The following PRPF6 variants were observed in gnomAD, a reference collection of about 807,000 sequenced individuals.
PRPF6 encodes pre-mRNA-processing factor 6.
PRPF6 carries 42 observed loss-of-function variants against 118.3 expected under a neutral mutation model. The observed-to-expected ratio is 0.35, with a 90% CI of 0.28 to 0.46. PRPF6 has a LOEUF of 0.46. Among genes scored for constraint, PRPF6 ranks in the 20% least tolerant of loss-of-function variants. The pLI, the probability that PRPF6 is intolerant of heterozygous loss-of-function variation, is 1.00. For missense variants in PRPF6, 662 were observed against 1,255.7 expected, an observed-to-expected ratio of 0.53 and a Z score of 7.15; for synonymous variants, 481 against 485.1, an observed-to-expected ratio of 0.99 and a Z score of 0.11.
chr20:64,015,706 G>A (rs1027392029), intron 11 of PRPF6, among the ~76,000 whole-genome samples: 2 of 152,324 alleles, frequency 1.3e-5, no homozygotes, highest in Middle Eastern at 6.8e-3. Context: ...CCTCCATAGA[G>A]ATATGTGCTT....
At chr20:64,001,363 T>A (rs2059165786) in intron 9 of PRPF6, 124 bp downstream of exon 9, 2 of 1,143,896 alleles carry the variant, frequency 1.7e-6, no homozygotes, top group Non-Finnish European at 2.5e-6. Flanking sequence ...TTTCAGGCCT[T>A]TTCTCAGGCT....
intron 20 of PRPF6, among the ~76,000 whole-genome samples, chr20:64,032,554 A>C (rs571779103): frequency 6.6e-6 from 1 of 152,234 alleles, no homozygotes; most frequent in East Asian, 1.9e-4. Context: ...CCTTGTTTGG[A>C]GAAGGCAGAC....
chr20:64,029,739 G>A lies in PRPF6; in HGVS notation c.2546+248G>A, dbSNP rs2059306748. ...TTCACACTGGTGCGCTGGCCGCCGG[G>A]TCACAGACTCACTGGGGACGCGTGT... On this transcript the variant is annotated intron_variant, in intron 19 of 20. Coordinates refer to ENST00000266079, the MANE Select transcript of PRPF6 (RefSeq NM_012469.4). This position sits in a 1 kb window ranked among gnomAD's most constrained non-coding sequence, Gnocchi z 4.8. Among the ~76,000 whole-genome samples, 1 of 113,002 alleles carries A rather than the reference G, an allele frequency of 8.8e-6. No homozygotes were observed. The highest frequency in any genetic ancestry group is 3.1e-4 in the South Asian group (1 of 3,226). The allele number at this position is 113,002 out of a possible 152,430, so 74.1% of individuals were successfully genotyped here. A position where few individuals can be genotyped will look rare whatever the true frequency, so the allele number is the denominator to read the frequency against.
rs2059301407 is a variant in PRPF6 at position 64,028,497 on chromosome 20, G to T, written c.2359G>T (p.Glu787Ter). ...CCTCAGGTTGGAGTCCGTGCGGCTG[G>T]AGTACCGTGCGGGGCTGAAGAACAT... ...PGLWLESVRL[E>*]YRAGLKNIAN... The change falls in exon 18 of 21, where the codon GAG becomes TAG. Residue 787 changes from glutamate (E) to a stop codon, truncating the protein, a stop_gained. Coordinates refer to ENST00000266079, the MANE Select transcript of PRPF6 (RefSeq NM_012469.4). LOFTEE classifies it high-confidence loss of function. The surrounding 1 kb of genome is among the most constrained non-coding windows in gnomAD (Gnocchi z 6.5). The T allele has an allele frequency of 2.5e-6, 4 of 1,613,790 alleles. No homozygotes were observed. Among genetic ancestry groups the T allele is most frequent in the South Asian group, 1.1e-5 (1 of 91,082 alleles).
intron 1 of PRPF6, among the ~76,000 whole-genome samples, chr20:63,981,649 C>CA (rs1161930700): frequency 1.4e-5 from 2 of 144,902 alleles, no homozygotes; most frequent in Admixed American, 6.8e-5. Context: ...ACACTCCCCC[C>CA]CCCCGCCCGC....
At chr20:63,993,547 A>T (rs2059128138) in intron 4 of PRPF6, 62 bp downstream of exon 4, 1 of 1,346,878 alleles carries the variant, frequency 7.4e-7, no homozygotes, top group Non-Finnish European at 1.1e-6. Context: ...ACCCGCAGAG[A>T]CTCAGACTGC....
intron 8 of PRPF6, 58 bp downstream of exon 8, chr20:63,999,817 G>T: frequency 1.9e-6 from 3 of 1,589,810 alleles, no homozygotes; most frequent in South Asian, 1.1e-5. Context: ...GCCCCTACGG[G>T]AGTAAACTTG....
At chr20:63,985,744 T>G (rs1009675382) in intron 3 of PRPF6, among the ~76,000 whole-genome samples, 4 of 152,188 alleles carry the variant, frequency 2.6e-5, no homozygotes, top group African/African-American at 9.7e-5. Context: ...TAAAAGGTAA[T>G]GAGATCAAAG....
chr20:64,032,079 T>C, intron 20 of PRPF6, 35 bp downstream of exon 20: 1 of 1,613,212 alleles, frequency 6.2e-7, no homozygotes, highest in Non-Finnish European at 8.5e-7. Context: ...CTCAGTGCCT[T>C]CTGGGACTGT....
intron 9 of PRPF6, among the ~76,000 whole-genome samples, chr20:64,006,482 A>C (rs2123040943): frequency 6.6e-6 from 1 of 151,910 alleles, no homozygotes; most frequent in East Asian, 1.9e-4. Context: ...ACACCCGACT[A>C]ATTTTTGTAT....
At position 63,984,948 on chromosome 20, in the gene PRPF6, C is replaced by T. The variant is rs758722968; in HGVS notation, c.282C>T (p.Tyr94=). ...GGAGCCTCTTCTCAAGTGGACCCTA[C>T]GAGAAAGATGATGAGGAAGCAGATG... ...YAGSLFSSGP[Y]EKDDEEADAI... Residue 94 remains tyrosine, a synonymous_variant, in exon 3 of 21, where the codon TAC becomes TAT. Coordinates refer to ENST00000266079, the MANE Select transcript of PRPF6 (RefSeq NM_012469.4). 29 of 1,613,388 alleles carry T rather than the reference C, an allele frequency of 1.8e-5. No individual in the cohort carries two copies. The highest frequency in any genetic ancestry group is 1.6e-4 in the Middle Eastern group (1 of 6,080).
chr20:63,999,810 C>G, intron 8 of PRPF6, 51 bp downstream of exon 8: 1 of 1,601,516 alleles, frequency 6.2e-7, no homozygotes, highest in African/African-American at 1.3e-5. Flanking sequence ...GATTGTGGCC[C>G]CTACGGGAGT....
At position 64,026,842 on chromosome 20, in the gene PRPF6, C is replaced by CTT; in HGVS notation, c.2029-137_2029-136dup. 4.6e-6 allele frequency: 4 copies of CTT among 875,658 alleles called. No individual in the cohort carries two copies. Among genetic ancestry groups the CTT allele is most frequent in the South Asian group, 1.5e-5 (1 of 67,270 alleles). 54.2% of individuals were successfully genotyped at this position (875,658 alleles called of 1,614,324 possible). On this transcript the variant is annotated intron_variant, in intron 15 of 20. Transcript: ENST00000266079. The surrounding 1 kb of genome is among the most constrained non-coding windows in gnomAD (Gnocchi z 4.4). ...AACAAAAACATATATTTATCCCCAC[C>CTT]TTTTGTGTACACAAACAGGCTATGA...
intron 4 of PRPF6, 53 bp downstream of exon 4, chr20:63,993,538 C>A: frequency 7.0e-7 from 1 of 1,430,282 alleles, no homozygotes; most frequent in Non-Finnish European, 9.9e-7. Context: ...CTCACCCTAA[C>A]CCGCAGAGAC....
At chr20:64,004,495 T>C (rs961111519) in intron 9 of PRPF6, among the ~76,000 whole-genome samples, 1 of 152,232 alleles carries the variant, frequency 6.6e-6, no homozygotes, top group African/African-American at 2.4e-5. Context: ...CTTCCACTGG[T>C]GACTTAGGAC....
At position 64,028,226 on chromosome 20, in the gene PRPF6, C is replaced by T. The variant is rs1285834737; in HGVS notation, c.2340-252C>T. ...CTCTCCCAGTCTGGTCTTGTTTGTT[C>T]TGGATGCCTTCACCTGCATCTGGAC... On this transcript the variant is annotated intron_variant, in intron 17 of 20. Coordinates refer to ENST00000266079, the MANE Select transcript of PRPF6 (RefSeq NM_012469.4). The surrounding 1 kb of genome is among the most constrained non-coding windows in gnomAD (Gnocchi z 6.5). Among the ~76,000 whole-genome samples, 1 of 152,244 alleles carries T rather than the reference C, an allele frequency of 6.6e-6. No homozygotes were observed. Among genetic ancestry groups the T allele is most frequent in the East Asian group, 1.9e-4 (1 of 5,192 alleles).
chr20:64,031,824 A>AG, intron 19 of PRPF6, 94 bp from the exon 20 acceptor site: 1 of 1,562,722 alleles, frequency 6.4e-7, no homozygotes, highest in South Asian at 1.1e-5. Flanking sequence ...GCTGCGGGTC[A>AG]GGGATGAAGC....
intron 1 of PRPF6, 97 bp from the exon 2 acceptor site, chr20:63,982,950 G>A: frequency 7.0e-7 from 1 of 1,420,158 alleles, no homozygotes; most frequent in Non-Finnish European, 9.7e-7. Context: ...TCCCAAAGGT[G>A]TTAGAAAAAG....
intron 9 of PRPF6, among the ~76,000 whole-genome samples, chr20:64,009,299 AAAAAG>A (rs1034694719): frequency 1.3e-5 from 2 of 151,704 alleles, no homozygotes; most frequent in Non-Finnish European, 2.9e-5. Flanking sequence ...AAAAAAAAAA[AAAAAG>A]AGAGGTATTT....
Sources: gnomAD v4.1 joint callset for allele counts (sites outside exome capture counted in the v4.1 genomes callset) on GRCh38, gnomAD v4.1.1 for gene constraint, Gnocchi (gnomAD v3.1) non-coding constraint, MANE v1.5 for transcripts, NCBI Gene and HGNC (gene_info 2026-07-23, HGNC 2026-07-21) for gene names.